The following HCLS1 variants were observed in gnomAD, a reference collection of about 807,000 sequenced individuals.
The protein encoded by HCLS1 is hematopoietic lineage cell-specific protein.
A neutral mutation model predicts 68.6 loss-of-function variants in HCLS1; 44 were observed. The ratio of observed to expected loss-of-function variants is 0.64; its 90% CI spans 0.50 to 0.82. The LOEUF is 0.82. Among genes scored for constraint, HCLS1 ranks in the 40% least tolerant of loss-of-function variants. The pLI is 0.00. For missense variants in HCLS1, 602 were observed against 612.1 expected (o/e 0.98, Z 0.17); for synonymous variants, 217 against 225.8 (o/e 0.96, Z 0.35).
chr3:121,635,843 G>A (rs1328663610), intron 8 of HCLS1, 39 bp from the exon 9 acceptor site: 2 of 1,564,840 alleles, frequency 1.3e-6, no homozygotes, highest in South Asian at 2.2e-5. Context: ...GCGGGAGAGG[G>A]GCAAGGGTAG....
At chr3:121,650,099 C>T (rs1372004180) in intron 3 of HCLS1, among the ~76,000 whole-genome samples, 1 of 152,098 alleles carries the variant, frequency 6.6e-6, no homozygotes, top group Non-Finnish European at 1.5e-5. Context: ...TAACATGAAA[C>T]ATTTTAGGAT....
rs948877154 is a variant in HCLS1 at position 121,644,927 on chromosome 3, C to T, written c.290G>A (p.Ser97Asn). 6.2e-7 allele frequency: 1 copy of T among 1,610,580 alleles called. No individual in the cohort carries two copies. The highest frequency in any genetic ancestry group is 2.2e-5 in the East Asian group (1 of 44,876). ...FGVERDRMDK[S>N]AVGHEYVAEV... Reference sequence around the variant, plus strand: ...GGCAACATACTCATGGCCCACTGCACTCTGAGAAAAATCAAGGATGGAGTG... The same window carrying T: ...GGCAACATACTCATGGCCCACTGCATTCTGAGAAAAATCAAGGATGGAGTG... Residue 97 changes from serine to asparagine, a missense_variant and splice_region_variant, in exon 5 of 14, where the codon AGT becomes AAT. Coordinates refer to ENST00000314583, the MANE Select transcript of HCLS1 (RefSeq NM_005335.6).
chr3:121,633,405 A>G (rs985147730), intron 10 of HCLS1, among the ~76,000 whole-genome samples: 1 of 152,086 alleles, frequency 6.6e-6, no homozygotes. Flanking sequence ...TAATAGAGAC[A>G]GGGTTTCACT....
chr3:121,633,228 T>G (rs1346881129), intron 10 of HCLS1, 57 bp from the exon 11 acceptor site: 1 of 1,154,678 alleles, frequency 8.7e-7, no homozygotes, highest in Admixed American at 2.2e-5. Context: ...CTCCTTTTTT[T>G]TTTTTGAGAT....
Position 121,631,950 on chromosome 3 carries a change from C to G in HCLS1, c.1357G>C (p.Asp453His). 6.2e-7 allele frequency: 1 copy of G among 1,614,200 alleles called. No homozygotes were observed. The highest frequency in any genetic ancestry group is 8.5e-7 in the Non-Finnish European group (1 of 1,180,034). The change falls in exon 14 of 14, where the codon GAC becomes CAC. Residue 453 changes from aspartate to histidine, a missense_variant. Physicochemically the swap from Asp to His is moderately conservative, Grantham distance 81. Transcript: ENST00000314583. ...GSDELSFDPDDVITDIEMVDE... is the reference protein window; with the variant it reads ...GSDELSFDPDHVITDIEMVDE... ...ACCATCTCAATGTCAGTGATTACGT[C>G]GTCCGGATCAAAGGAAAGCTCATCA... is the stretch of plus-strand genomic sequence containing the variant.
intron 6 of HCLS1, among the ~76,000 whole-genome samples, chr3:121,639,902 CA>C (rs146486774): frequency 0.028 from 4,267 of 152,082 alleles, 72 homozygotes; most frequent in Non-Finnish European, 0.043. Flanking sequence ...AGAAGAAAAA[CA>C]TAATAAAGAT....
chr3:121,638,836 T>A (rs938451925), intron 6 of HCLS1, among the ~76,000 whole-genome samples: 2 of 152,148 alleles, frequency 1.3e-5, no homozygotes, highest in Non-Finnish European at 2.9e-5. Flanking sequence ...GGAGTATGTA[T>A]GCTGGCATAA....
In HCLS1 at chr3:121,647,313, A is replaced by T. The variant is rs1450678880; in HGVS notation, c.288+6T>A. 1.2e-6 allele frequency: 2 copies of T among 1,613,492 alleles called. No homozygotes were observed. On this transcript the variant is annotated splice_donor_region_variant and intron_variant, in intron 4 of 13. Transcript: ENST00000314583. ...TTTTAAAGCAAATCTTTCCCTTTCAACTTACCTTGTCCATTCGGTCTCTTT... is the reference window on the plus strand; with the variant it reads ...TTTTAAAGCAAATCTTTCCCTTTCATCTTACCTTGTCCATTCGGTCTCTTT...
chr3:121,655,339 G>A (rs148511790), intron 3 of HCLS1: 1 of 152,168 alleles, frequency 6.6e-6, no homozygotes, highest in Non-Finnish European at 1.5e-5. Flanking sequence ...TAACATCACT[G>A]AGCTGCTCAG....
intron 3 of HCLS1, chr3:121,655,639 C>T (rs1362177760): frequency 1.4e-5 from 2 of 145,232 alleles, no homozygotes; most frequent in East Asian, 2.0e-4. Flanking sequence ...AGAATACCAG[C>T]GTTGAGTGGC....
rs2049216509 is a variant in HCLS1, at chr3:121,643,099, A to AC, written c.400-119_400-118insG. ...AGTTTGTAGGGGCTTCAGGCTGAGT[A>AC]TAGGTGTTTAATGTAGAAACAGGCT... On this transcript the variant is annotated intron_variant, in intron 5 of 13. Transcript: ENST00000314583. 3.9e-6 allele frequency: 3 copies of AC among 761,658 alleles called. No individual in the cohort carries two copies. In the East Asian group the frequency reaches 7.5e-5, roughly 19 times the overall value. 47.2% of individuals were successfully genotyped at this position (761,658 alleles called of 1,614,324 possible). A position where few individuals can be genotyped will look rare whatever the true frequency, so the allele number is the denominator to read the frequency against.
chr3:121,637,071 C>G, intron 7 of HCLS1, 75 bp downstream of exon 7: 1 of 1,064,856 alleles, frequency 9.4e-7, no homozygotes, highest in South Asian at 1.3e-5. Flanking sequence ...CTGGGGCACC[C>G]GGGTGAGCTT....
At chr3:121,633,362 C>T (rs1011316442) in intron 10 of HCLS1, among the ~76,000 whole-genome samples, 191 bp from the exon 11 acceptor site, 10 of 152,030 alleles carry the variant, frequency 6.6e-5, no homozygotes, top group South Asian at 6.2e-4. Context: ...ATTACAGGCA[C>T]ACGCCACTAT....
At chr3:121,632,672 C>G in intron 11 of HCLS1, 109 bp from the exon 12 acceptor site, 1 of 916,006 alleles carries the variant, frequency 1.1e-6, no homozygotes, top group Non-Finnish European at 1.6e-6. Flanking sequence ...TCCCCTCTAC[C>G]CTTGCCTCCA....
intron 3 of HCLS1, 124 bp downstream of exon 3, chr3:121,657,153 AAC>A: frequency 5.4e-6 from 4 of 744,212 alleles, no homozygotes; most frequent in Non-Finnish European, 9.1e-6. Flanking sequence ...AAAAAAAACA[AAC>A]ACAATAATAC....
intron 2 of HCLS1, 27 bp from the exon 3 acceptor site, chr3:121,657,379 A>G (rs1377268288): frequency 1.2e-6 from 2 of 1,611,418 alleles, no homozygotes; most frequent in East Asian, 2.2e-5. Context: ...GCAGTAATAC[A>G]TGACGGCAAG....
chr3:121,647,534 T>C, intron 3 of HCLS1, 86 bp from the exon 4 acceptor site: 1 of 1,416,598 alleles, frequency 7.1e-7, no homozygotes, highest in Non-Finnish European at 9.8e-7. Flanking sequence ...CCTTGAAGTC[T>C]GTCCTGTTTA....
intron 3 of HCLS1, chr3:121,653,947 T>C (rs1277415715): frequency 6.6e-6 from 1 of 152,226 alleles, no homozygotes; most frequent in Non-Finnish European, 1.5e-5. Flanking sequence ...TAGAAACTTT[T>C]ATAGCAATTT....
chr3:121,639,526 ATTT>A (rs202153876), intron 6 of HCLS1, among the ~76,000 whole-genome samples: 17 of 140,936 alleles, frequency 1.2e-4, no homozygotes, highest in African/African-American at 4.6e-4. Flanking sequence ...GAATGATTTT[ATTT>A]TTTGTTGTTG....
Sources: allele counts gnomAD v4.1 joint callset (sites outside exome capture counted in the v4.1 genomes callset), GRCh38; gene constraint gnomAD v4.1.1; transcripts MANE v1.5; gene names NCBI Gene and HGNC (gene_info 2026-07-23, HGNC 2026-07-21).